DLC1: variants seen among roughly 807,000 people sequenced by gnomAD.
DLC1 encodes the protein rho GTPase-activating protein 7.
DLC1 carries 54 observed loss-of-function variants against 140.3 expected under a neutral mutation model. The observed-to-expected ratio is 0.38, with a 90% confidence interval of 0.31 to 0.48. DLC1 has a LOEUF of 0.48. DLC1 is among the 20% of genes least tolerant of loss of function. The probability of loss-of-function intolerance (pLI) is 0.96; values close to 1 mark genes in which losing one functional copy is unlikely to be tolerated. For missense variants in DLC1, 2,536 were observed against 1,907.0 expected (o/e 1.33, Z -6.14); for synonymous variants, 986 against 728.1 (o/e 1.35, Z -5.70).
At chr8:13,119,841 G>C (rs1820886167) in intron 5 of DLC1, among the ~76,000 whole-genome samples, 2 of 151,736 alleles carry the variant, frequency 1.3e-5, no homozygotes, top group Non-Finnish European at 2.9e-5. Context: ...CAGCTACTCA[G>C]GAGGCTGAGG....
intron 5 of DLC1, among the ~76,000 whole-genome samples, chr8:13,165,631 A>G (rs913395046): frequency 1.3e-5 from 2 of 152,198 alleles, no homozygotes. Flanking sequence ...CTGAAATCTT[A>G]AACAGCTGCT....
intron 5 of DLC1, among the ~76,000 whole-genome samples, chr8:13,255,991 G>T (rs1454915298): frequency 6.6e-6 from 1 of 152,022 alleles, no homozygotes; most frequent in Non-Finnish European, 1.5e-5. Flanking sequence ...AGCATATTTG[G>T]GTTTGAAGAA....
chr8:13,128,997 G>C (rs1039312707), intron 5 of DLC1, among the ~76,000 whole-genome samples: 2 of 148,980 alleles, frequency 1.3e-5, no homozygotes, highest in Non-Finnish European at 3.0e-5. Context: ...GGAGGACTCC[G>C]CAGTTCTTAT....
intron 4 of DLC1, among the ~76,000 whole-genome samples, chr8:13,364,228 T>C (rs975846432): frequency 6.6e-6 from 1 of 152,156 alleles, no homozygotes; most frequent in Non-Finnish European, 1.5e-5. Flanking sequence ...CCTCTTCAGA[T>C]CTGCTTACCT....
chr8:13,222,915 T>C (rs972825502), intron 5 of DLC1, among the ~76,000 whole-genome samples: 1 of 152,044 alleles, frequency 6.6e-6, no homozygotes, highest in Admixed American at 6.6e-5. Flanking sequence ...AGCTAGTAAT[T>C]TTTTTCTTTT....
At chr8:13,282,837 T>C (rs1337032992) in intron 5 of DLC1, among the ~76,000 whole-genome samples, 1 of 152,190 alleles carries the variant, frequency 6.6e-6, no homozygotes, top group African/African-American at 2.4e-5. Context: ...TTGATGAGAC[T>C]GAAATAAAAA....
At chr8:13,450,262 C>T (rs1798978558) in intron 2 of DLC1, among the ~76,000 whole-genome samples, 1 of 151,640 alleles carries the variant, frequency 6.6e-6, no homozygotes. Context: ...CGAGACCAGT[C>T]TGGCCAACAT....
At chr8:13,560,703 G>A (rs1286882491) in intron 1 of DLC1, among the ~76,000 whole-genome samples, 1 of 152,138 alleles carries the variant, frequency 6.6e-6, no homozygotes, top group Non-Finnish European at 1.5e-5. Flanking sequence ...AGTCTTTAAA[G>A]AGAAAATCAG....
chr8:13,591,608 T>C (rs559975495), intron 1 of DLC1, among the ~76,000 whole-genome samples: 1 of 152,160 alleles, frequency 6.6e-6, no homozygotes, highest in East Asian at 1.9e-4. Context: ...AACAGACTAA[T>C]ACAGGGGGAT....
chr8:13,296,996 TA>T (rs1249315107), intron 5 of DLC1, among the ~76,000 whole-genome samples: 3 of 151,972 alleles, frequency 2.0e-5, no homozygotes, highest in Non-Finnish European at 4.4e-5. Flanking sequence ...TAATTAGCAA[TA>T]GCAAAAATAC....
chr8:13,132,250 C>G (rs1822167471), intron 5 of DLC1, among the ~76,000 whole-genome samples: 1 of 131,004 alleles, frequency 7.6e-6, no homozygotes, highest in Non-Finnish European at 1.6e-5. Context: ...TGTTTCCTAG[C>G]AAGAAGCACG....
At chr8:13,252,163 A>G (rs1830035080) in intron 5 of DLC1, among the ~76,000 whole-genome samples, 1 of 152,232 alleles carries the variant, frequency 6.6e-6, no homozygotes, top group African/African-American at 2.4e-5. Context: ...TAAATTAAAT[A>G]AAAAGTCCTT....
intron 5 of DLC1, among the ~76,000 whole-genome samples, chr8:13,202,756 C>T (rs971292380): frequency 6.6e-6 from 1 of 152,072 alleles, no homozygotes; most frequent in East Asian, 1.9e-4. Flanking sequence ...TCACAGCAAA[C>T]TTGACTTCCC....
At chr8:13,166,438 T>A (rs1825114909) in intron 5 of DLC1, among the ~76,000 whole-genome samples, 1 of 152,174 alleles carries the variant, frequency 6.6e-6, no homozygotes, top group Non-Finnish European at 1.5e-5. Flanking sequence ...CCTCCCGGGT[T>A]CAAGCTATTC....
intron 10 of DLC1, among the ~76,000 whole-genome samples, chr8:13,097,711 T>G (rs917519106): frequency 1.3e-5 from 2 of 152,182 alleles, no homozygotes; most frequent in South Asian, 2.1e-4. Context: ...CATTTACTTA[T>G]AGTGGATTAT....
intron 4 of DLC1, among the ~76,000 whole-genome samples, chr8:13,357,342 G>A (rs1050885261): frequency 1.3e-5 from 2 of 152,224 alleles, no homozygotes; most frequent in African/African-American, 4.8e-5. Flanking sequence ...ATGTGTTTCA[G>A]ATGCACCATG....
chr8:13,394,684 G>A (rs1267335666), intron 3 of DLC1, among the ~76,000 whole-genome samples: 3 of 152,062 alleles, frequency 2.0e-5, no homozygotes, highest in Admixed American at 6.6e-5. Context: ...GGTTCACATG[G>A]TCAAATATCA....
At chr8:13,163,911 G>A (rs1824906613) in intron 5 of DLC1, among the ~76,000 whole-genome samples, 2 of 152,128 alleles carry the variant, frequency 1.3e-5, no homozygotes, top group African/African-American at 4.8e-5. Flanking sequence ...AGGCTGAAGT[G>A]GGAGGATTGC....
At chr8:13,483,578 A>G (rs574063466) in intron 2 of DLC1, among the ~76,000 whole-genome samples, 2 of 152,248 alleles carry the variant, frequency 1.3e-5, no homozygotes, top group East Asian at 3.9e-4. Context: ...AAGGGCAGGG[A>G]GGTGAGCTGG....
Sources: allele counts gnomAD v4.1 joint callset (sites outside exome capture counted in the v4.1 genomes callset), GRCh38; gene constraint gnomAD v4.1.1; transcripts MANE v1.5; gene names NCBI Gene and HGNC (gene_info 2026-07-23, HGNC 2026-07-21).